Variants in PTPRD observed in about 807,000 individuals in gnomAD.
PTPRD encodes the protein protein tyrosine phosphatase receptor type D.
In PTPRD, 34 loss-of-function variants were observed where a neutral mutation model predicts 214.5. The ratio of observed to expected loss-of-function variants is 0.16; its 90% CI spans 0.12 to 0.21. The LOEUF (loss-of-function observed/expected upper bound fraction) is 0.21, where lower values mean the gene tolerates loss of function less well. PTPRD is among the 10% of genes least tolerant of loss of function. The pLI is 1.00. For synonymous variants in PTPRD, 1,128 were observed against 845.7 expected (o/e 1.33, Z -5.79); for missense variants, 2,545 against 2,398.7 (o/e 1.06, Z -1.27).
chr9:9,904,600 A>G (rs1227746493), intron 5 of PTPRD, among the ~76,000 whole-genome samples: 1 of 152,036 alleles, frequency 6.6e-6, no homozygotes. Context: ...CTACAAAATA[A>G]GCAGAAAAAT....
intron 9 of PTPRD, among the ~76,000 whole-genome samples, chr9:9,389,984 C>A (rs1323744427): frequency 6.6e-6 from 1 of 152,038 alleles, no homozygotes; most frequent in Non-Finnish European, 1.5e-5. Flanking sequence ...AGATTAAGAG[C>A]ATTAAGTGGG....
rs377353847 is a variant in PTPRD, at chr9:10,298,508, T to A, written c.-545+42455A>T. Among the ~76,000 whole-genome samples the A allele has an allele frequency of 2.0e-5, 3 of 152,118 alleles. No individual in the cohort carries two copies. In the South Asian group the frequency reaches 6.2e-4, roughly 31 times the overall value. ...TTTAAAATGCATCTTTTCATTCTGC[T>A]GATGCACACTCATTTGTTTAATACT... On this transcript the variant is annotated intron_variant, in intron 3 of 45. Transcript: ENST00000381196.
chr9:9,142,491 G>A (rs146721082), intron 10 of PTPRD, among the ~76,000 whole-genome samples: 2 of 152,184 alleles, frequency 1.3e-5, no homozygotes, highest in Non-Finnish European at 2.9e-5. Flanking sequence ...CTCCTTTGGC[G>A]ATGAAATCAA....
At chr9:9,951,298 T>G (rs1051964477) in intron 4 of PTPRD, among the ~76,000 whole-genome samples, 35 of 152,308 alleles carry the variant, frequency 2.3e-4, no homozygotes, top group Non-Finnish European at 4.6e-4. Context: ...TGGCAGTGTT[T>G]GAAGATATTC....
At chr9:8,402,193 A>G (rs987414719) in intron 36 of PTPRD, among the ~76,000 whole-genome samples, 4 of 152,220 alleles carry the variant, frequency 2.6e-5, no homozygotes, top group Non-Finnish European at 2.9e-5. Flanking sequence ...AACCTTTTGC[A>G]TAACACTTAA....
At chr9:9,183,871 T>C (rs7047142) in intron 9 of PTPRD, among the ~76,000 whole-genome samples, 4,772 of 152,022 alleles carry the variant, frequency 0.031, 254 homozygotes, top group African/African-American at 0.11. Flanking sequence ...GCATGGAAAA[T>C]TCCATCTTAT....
intron 2 of PTPRD, among the ~76,000 whole-genome samples, chr9:10,507,479 C>G (rs1042536480): frequency 2.0e-5 from 3 of 152,080 alleles, no homozygotes; most frequent in Non-Finnish European, 4.4e-5. Flanking sequence ...AAAAAATAGC[C>G]CGCATTGCCA....
At chr9:9,358,633 G>T (rs1274193592) in intron 9 of PTPRD, among the ~76,000 whole-genome samples, 2 of 151,178 alleles carry the variant, frequency 1.3e-5, no homozygotes, top group African/African-American at 4.8e-5. Flanking sequence ...CCATGCTCCA[G>T]AAAACCAACT....
At chr9:8,460,723 G>A in intron 32 of PTPRD, 152 bp from the exon 33 acceptor site, 5 of 654,948 alleles carry the variant, frequency 7.6e-6, no homozygotes, top group East Asian at 3.0e-5. Context: ...GGGGAGAGGA[G>A]AATAAAGAAA....
chr9:8,892,793 G>A (rs552409595), intron 11 of PTPRD, among the ~76,000 whole-genome samples: 1 of 151,542 alleles, frequency 6.6e-6, no homozygotes, highest in African/African-American at 2.4e-5. Flanking sequence ...CTAGTTCCAA[G>A]GTTGAGAGGA....
chr9:8,410,969 G>C (rs893686069), intron 35 of PTPRD, among the ~76,000 whole-genome samples: 13 of 151,904 alleles, frequency 8.6e-5, no homozygotes, highest in Non-Finnish European at 4.4e-5. Flanking sequence ...TTATATCATA[G>C]TACTAAAGAT....
intron 12 of PTPRD, among the ~76,000 whole-genome samples, chr9:8,677,904 T>A (rs2097463251): frequency 6.6e-6 from 1 of 152,056 alleles, no homozygotes; most frequent in African/African-American, 2.4e-5. Context: ...CAGCAGCAGT[T>A]ATTTTGATCT....
At chr9:9,021,722 C>G (rs77106915) in intron 10 of PTPRD, among the ~76,000 whole-genome samples, 4,327 of 151,798 alleles carry the variant, frequency 0.029, 68 homozygotes, top group East Asian at 0.068. Flanking sequence ...TAGGCCTAGA[C>G]TAATGTGTGT....
intron 9 of PTPRD, among the ~76,000 whole-genome samples, chr9:9,361,542 A>G (rs761102448): frequency 2.0e-5 from 3 of 150,932 alleles, no homozygotes; most frequent in Non-Finnish European, 4.5e-5. Context: ...TTATTGATAC[A>G]TAACAGAGGT....
chr9:8,422,418 A>G (rs2094430640), intron 35 of PTPRD, among the ~76,000 whole-genome samples: 1 of 152,106 alleles, frequency 6.6e-6, no homozygotes, highest in Non-Finnish European at 1.5e-5. Context: ...ATTTTTCAGA[A>G]AACATTTTTA....
chr9:8,488,391 GATAA>G (rs1256441598), intron 27 of PTPRD, among the ~76,000 whole-genome samples: 10 of 152,250 alleles, frequency 6.6e-5, no homozygotes, highest in East Asian at 5.8e-4. Context: ...AAAGTTTTTA[GATAA>G]ATAATTATTC....
At chr9:8,385,167 G>C (rs1589212694) in intron 37 of PTPRD, among the ~76,000 whole-genome samples, 1 of 152,336 alleles carries the variant, frequency 6.6e-6, no homozygotes, top group East Asian at 1.9e-4. Flanking sequence ...TCAGTGAGCT[G>C]TTCTAACTCA....
chr9:9,916,090 A>C (rs1364880454), intron 5 of PTPRD, among the ~76,000 whole-genome samples: 4 of 150,350 alleles, frequency 2.7e-5, no homozygotes, highest in Admixed American at 6.6e-5. Flanking sequence ...TAAAAAAAAA[A>C]AAACAAAAAA....
intron 9 of PTPRD, among the ~76,000 whole-genome samples, chr9:9,316,829 T>C (rs983308591): frequency 6.6e-6 from 1 of 152,156 alleles, no homozygotes; most frequent in Non-Finnish European, 1.5e-5. Flanking sequence ...ACGTGGTAAT[T>C]CTTTTATGAG....
Sources: gnomAD v4.1 joint callset for allele counts (sites outside exome capture counted in the v4.1 genomes callset) on GRCh38, gnomAD v4.1.1 for gene constraint, MANE v1.5 for transcripts, NCBI Gene and HGNC (gene_info 2026-07-23, HGNC 2026-07-21) for gene names.